MTMR12: variants seen among roughly 807,000 people sequenced by gnomAD.
MTMR12 encodes myotubularin related protein 12.
A neutral mutation model predicts 96.7 loss-of-function variants in MTMR12; 33 were observed. That is an observed-to-expected ratio of 0.34 (90% CI 0.26 to 0.46). The LOEUF (loss-of-function observed/expected upper bound fraction) is 0.46, where lower values mean the gene tolerates loss of function less well. Ranked by LOEUF, MTMR12 falls within the 20% of genes least tolerant of loss-of-function variation. The probability of loss-of-function intolerance (pLI) is 1.00; values close to 1 mark genes in which losing one functional copy is unlikely to be tolerated. For synonymous variants in MTMR12, 298 were observed against 327.2 expected, an observed-to-expected ratio of 0.91 and a Z score of 0.96; for missense variants, 721 against 896.1, an observed-to-expected ratio of 0.80 and a Z score of 2.49.
At chr5:32,270,560 C>T (rs1749791144) in intron 5 of MTMR12, among the ~76,000 whole-genome samples, 1 of 152,178 alleles carries the variant, frequency 6.6e-6, no homozygotes, top group Non-Finnish European at 1.5e-5. Context: ...TGGTTTACCA[C>T]CTCCCACCAT....
chr5:32,263,316 T>A (rs1253396190), intron 6 of MTMR12, 74 bp from the exon 7 acceptor site: 3 of 1,576,874 alleles, frequency 1.9e-6, no homozygotes, highest in Non-Finnish European at 2.6e-6. Flanking sequence ...TGAAAGTCCC[T>A]CCTTAGGTTT....
chr5:32,306,663 C>T (rs970126128), intron 1 of MTMR12, among the ~76,000 whole-genome samples: 1 of 152,194 alleles, frequency 6.6e-6, no homozygotes, highest in Admixed American at 6.5e-5. Flanking sequence ...TGGTTTAGCA[C>T]TGGCACTGCT....
intron 1 of MTMR12, among the ~76,000 whole-genome samples, chr5:32,292,703 A>G (rs1234749960): frequency 6.6e-6 from 1 of 152,230 alleles, no homozygotes. Context: ...CAGTCCAGGC[A>G]GGACTACAAA....
chr5:32,247,632 A>C, intron 10 of MTMR12: 1 of 687,066 alleles, frequency 1.5e-6, no homozygotes, highest in Non-Finnish European at 1.8e-6. Context: ...AAGTCTACAG[A>C]GGAAAACGAA....
At chr5:32,250,303 A>G (rs1748866007) in intron 8 of MTMR12, among the ~76,000 whole-genome samples, 1 of 152,308 alleles carries the variant, frequency 6.6e-6, no homozygotes, top group African/African-American at 2.4e-5. Flanking sequence ...GGTCTGCTGC[A>G]GTGGGGGAGC....
At position 32,255,757 on chromosome 5, in the gene MTMR12, T is replaced by C. The variant is rs1231161424; in HGVS notation, c.725A>G (p.Tyr242Cys). Reference sequence around the variant, plus strand: ...AGGAAGAGGGGTGGGGACAACAAAGTATGCTGGCAATCTAGAAGAAAGAAA... The same window carrying C: ...AGGAAGAGGGGTGGGGACAACAAAGCATGCTGGCAATCTAGAAGAAAGAAA... The part of the protein sequence containing the change: ...GYKVCERLPA[Y>C]FVVPTPLPEE... Residue 242 changes from tyrosine (Y) to cysteine (C), a missense_variant, in exon 8 of 16, where the codon TAC becomes TGC. Tyr to Cys is a radical substitution (Grantham distance 194). Coordinates refer to ENST00000382142, the MANE Select transcript of MTMR12 (RefSeq NM_001040446.3). 1 of 1,612,166 alleles carries C rather than the reference T, an allele frequency of 6.2e-7. No homozygotes were observed. The highest frequency in any genetic ancestry group is 8.5e-7 in the Non-Finnish European group (1 of 1,179,262).
intron 1 of MTMR12, among the ~76,000 whole-genome samples, chr5:32,279,888 G>A (rs1211973757): frequency 6.6e-6 from 1 of 152,224 alleles, no homozygotes; most frequent in Non-Finnish European, 1.5e-5. Flanking sequence ...CACAGGAGGT[G>A]GAACTCAGGA....
At chr5:32,307,545 G>A (rs1581653482) in intron 1 of MTMR12, among the ~76,000 whole-genome samples, 1 of 152,300 alleles carries the variant, frequency 6.6e-6, no homozygotes, top group South Asian at 2.1e-4. Context: ...CCCCTGAGCA[G>A]AGTTTTCAAA....
chr5:32,256,128 T>A (rs1373375739), intron 7 of MTMR12, among the ~76,000 whole-genome samples: 1 of 152,226 alleles, frequency 6.6e-6, no homozygotes. Context: ...AGTAGCCATA[T>A]AAGCACCTGT....
rs1453543585 is a variant in MTMR12, at chr5:32,230,207, G to A, written c.1815C>T (p.Leu605=). The change falls in exon 16 of 16, where the codon CTC becomes CTT. Residue 605 remains leucine (L), a synonymous_variant. Coordinates refer to ENST00000382142, the MANE Select transcript of MTMR12 (RefSeq NM_001040446.3). ...ISKLINSSDE[L]QDNFREFYDS... is the part of the protein sequence containing the mutation. ...CATAGAACTCTCGAAAGTTGTCTTG[G>A]AGCTCATCAGAAGAATTAATAAGTT... 1 of 1,614,216 alleles carries A rather than the reference G, an allele frequency of 6.2e-7. No individual in the cohort carries two copies. The highest frequency in any genetic ancestry group is 8.5e-7 in the Non-Finnish European group (1 of 1,180,050).
chr5:32,270,121 A>G (rs1431111572), intron 5 of MTMR12, among the ~76,000 whole-genome samples: 1 of 152,182 alleles, frequency 6.6e-6, no homozygotes, highest in African/African-American at 2.4e-5. Context: ...CATCAGAGGG[A>G]AAAGTCTGAG....
At chr5:32,234,839 C>T (rs1748146113) in intron 14 of MTMR12, 123 bp downstream of exon 14, 1 of 897,266 alleles carries the variant, frequency 1.1e-6, no homozygotes, top group South Asian at 2.0e-5. Flanking sequence ...CTGTATTATT[C>T]CAACTTTGTT....
chr5:32,263,219 C>A lies in MTMR12; in HGVS notation c.607G>T (p.Val203Leu), dbSNP rs770916902. ...CAGTCCTTAAGTGTGTCAAACATTA[C>A]GGTATGGTTCTTGGGATCAGTGACT... ...NTVTDPKNHT[V>L]MFDTLKDWCW... The change falls in exon 7 of 16, where the codon GTA (valine) becomes TTA (leucine). Residue 203 changes from valine to leucine, a missense_variant. By Grantham distance (32) the Val-to-Leu change is conservative (BLOSUM62 1). Coordinates refer to ENST00000382142, the MANE Select transcript of MTMR12 (RefSeq NM_001040446.3). 1 of 1,613,974 alleles carries A rather than the reference C, an allele frequency of 6.2e-7. No individual in the cohort carries two copies. Among genetic ancestry groups the A allele is most frequent in the Non-Finnish European group, 8.5e-7 (1 of 1,179,934 alleles).
chr5:32,302,992 T>C (rs1425842578), intron 1 of MTMR12, among the ~76,000 whole-genome samples: 2 of 152,080 alleles, frequency 1.3e-5, no homozygotes, highest in Non-Finnish European at 2.9e-5. Flanking sequence ...CACAACAAAA[T>C]ACTCCCCTTT....
At chr5:32,252,579 A>G (rs998416739) in intron 8 of MTMR12, among the ~76,000 whole-genome samples, 2 of 152,198 alleles carry the variant, frequency 1.3e-5, no homozygotes, top group East Asian at 3.8e-4. Flanking sequence ...AGACCCCTTC[A>G]TGTTCTTAAA....
chr5:32,282,110 C>T (rs1023136803), intron 1 of MTMR12, among the ~76,000 whole-genome samples: 10 of 151,470 alleles, frequency 6.6e-5, no homozygotes, highest in South Asian at 4.2e-4. Flanking sequence ...AGGCTGGGTG[C>T]GGTGGCTCAT....
chr5:32,277,514 C>G (rs753691560), intron 1 of MTMR12, among the ~76,000 whole-genome samples: 5 of 152,146 alleles, frequency 3.3e-5, no homozygotes, highest in Non-Finnish European at 7.4e-5. Context: ...GCCTGGCCAA[C>G]ATGGCAAAAC....
At chr5:32,255,886 T>C in intron 7 of MTMR12, 118 bp from the exon 8 acceptor site, 2 of 867,638 alleles carry the variant, frequency 2.3e-6, no homozygotes, top group Non-Finnish European at 3.5e-6. Context: ...GGACCATATT[T>C]CCCTGTTCAG....
At chr5:32,239,992 C>T (rs1450901583) in intron 12 of MTMR12, among the ~76,000 whole-genome samples, 1 of 152,224 alleles carries the variant, frequency 6.6e-6, no homozygotes, top group African/African-American at 2.4e-5. Flanking sequence ...TCCTAAAAGT[C>T]AGGGTCTACA....
Sources: gnomAD v4.1 joint callset for allele counts (sites outside exome capture counted in the v4.1 genomes callset) on GRCh38, gnomAD v4.1.1 for gene constraint, MANE v1.5 for transcripts, NCBI Gene and HGNC (gene_info 2026-07-23, HGNC 2026-07-21) for gene names.